Variants in PRKG1 observed in about 807,000 individuals in gnomAD.
PRKG1 encodes the protein protein kinase cGMP-dependent 1, also known as cGMP-dependent protein kinase 1.
PRKG1 carries 35 observed loss-of-function variants against 88.1 expected under a neutral mutation model. The observed-to-expected ratio is 0.40, with a 90% CI of 0.30 to 0.53. PRKG1 has a LOEUF of 0.53. Ranked by LOEUF, PRKG1 falls within the 20% of genes least tolerant of loss-of-function variation. The pLI is 0.59. For synonymous variants in PRKG1, 303 were observed against 292.5 expected (o/e 1.04, Z -0.37); for missense variants, 540 against 839.8 (o/e 0.64, Z 4.41).
intron 5 of PRKG1, among the ~76,000 whole-genome samples, chr10:51,947,463 GCACCCACTGTCTTC>G (rs1466487085): frequency 8.2e-6 from 1 of 122,378 alleles, no homozygotes; most frequent in African/African-American, 2.7e-5. Flanking sequence ...ATGGTGCGCT[GCACCCACTGTCTTC>G]CGCCCACTGT....
intron 2 of PRKG1, among the ~76,000 whole-genome samples, chr10:51,413,510 C>T (rs982361360): frequency 6.6e-6 from 1 of 152,076 alleles, no homozygotes; most frequent in African/African-American, 2.4e-5. Context: ...CAGGCACACA[C>T]CACCACGCCC....
At chr10:51,325,139 AT>A (rs1167930027) in intron 2 of PRKG1, among the ~76,000 whole-genome samples, 1 of 152,122 alleles carries the variant, frequency 6.6e-6, no homozygotes, top group African/African-American at 2.4e-5. Flanking sequence ...GATTTTGAGC[AT>A]TTTTTGAAAT....
intron 1 of PRKG1, among the ~76,000 whole-genome samples, chr10:51,133,967 C>T (rs1055933966): frequency 6.6e-6 from 1 of 152,130 alleles, no homozygotes; most frequent in Non-Finnish European, 1.5e-5. Context: ...AAAACTATGT[C>T]TTTTATCTCC....
chr10:51,113,487 T>C (rs1026991776), intron 1 of PRKG1, among the ~76,000 whole-genome samples: 1 of 152,164 alleles, frequency 6.6e-6, no homozygotes, highest in African/African-American at 2.4e-5. Flanking sequence ...TCCTTTATCT[T>C]ATGTTGTTCC....
chr10:51,487,014 G>A (rs1840565309), intron 3 of PRKG1, among the ~76,000 whole-genome samples: 1 of 151,918 alleles, frequency 6.6e-6, no homozygotes, highest in East Asian at 1.9e-4. Context: ...GATCTTGAGA[G>A]GGTATTAAAG....
At chr10:51,017,745 AC>A (rs1234249445) in intron 1 of PRKG1, among the ~76,000 whole-genome samples, 1 of 152,042 alleles carries the variant, frequency 6.6e-6, no homozygotes, top group African/African-American at 2.4e-5. Context: ...TTCAGGTAAA[AC>A]AAAAGAGTTG....
chr10:51,878,210 A>G (rs1002363939), intron 4 of PRKG1, among the ~76,000 whole-genome samples: 7 of 149,342 alleles, frequency 4.7e-5, no homozygotes, highest in Admixed American at 4.0e-4. Context: ...AAAGCAATAT[A>G]TATGTGTGTG....
intron 9 of PRKG1, among the ~76,000 whole-genome samples, chr10:52,244,781 A>AGT (rs1840968856): frequency 2.3e-5 from 1 of 43,992 alleles, no homozygotes; most frequent in Non-Finnish European, 7.5e-5. Context: ...TATATACCTT[A>AGT]ATATATATTT....
chr10:51,364,899 G>A (rs1006141683), intron 2 of PRKG1, among the ~76,000 whole-genome samples: 2 of 151,832 alleles, frequency 1.3e-5, no homozygotes, highest in African/African-American at 4.8e-5. Context: ...ATGCACAAGG[G>A]ATTCAAATAT....
chr10:51,248,693 G>A (rs1044623929), intron 2 of PRKG1, among the ~76,000 whole-genome samples: 3 of 151,660 alleles, frequency 2.0e-5, no homozygotes, highest in Non-Finnish European at 4.4e-5. Context: ...AACTGAAATA[G>A]TGCAATTTAA....
chr10:51,314,865 C>T (rs1445138269), intron 2 of PRKG1, among the ~76,000 whole-genome samples: 1 of 152,160 alleles, frequency 6.6e-6, no homozygotes, highest in African/African-American at 2.4e-5. Flanking sequence ...AGCTAGCAGG[C>T]CCTCATCAAG....
chr10:51,964,417 T>C (rs1843519483), intron 5 of PRKG1, among the ~76,000 whole-genome samples: 1 of 152,244 alleles, frequency 6.6e-6, no homozygotes, highest in Non-Finnish European at 1.5e-5. Flanking sequence ...CTTGCCCTTA[T>C]TGTGAATGTT....
At position 51,949,551 on chromosome 10, in the gene PRKG1, A is replaced by C. The variant is rs538413347; in HGVS notation, c.762+41981A>C. Among the ~76,000 whole-genome samples the C allele has an allele frequency of 4.6e-5, 7 of 152,254 alleles. No individual in the cohort carries two copies. In the Middle Eastern group the frequency reaches 0.024, roughly 521 times the overall value. On this transcript the variant is annotated intron_variant, in intron 5 of 17. Coordinates refer to ENST00000373980, the MANE Select transcript of PRKG1 (RefSeq NM_006258.4). ...AGAAGGAAATGATAAGAAAAGCAACAAATGCCTAGAACATGTGTACAGTGA... is the reference window on the plus strand; with the variant it reads ...AGAAGGAAATGATAAGAAAAGCAACCAATGCCTAGAACATGTGTACAGTGA...
chr10:52,134,075 C>T (rs1837338570), intron 8 of PRKG1, among the ~76,000 whole-genome samples, 170 bp downstream of exon 8: 2 of 152,146 alleles, frequency 1.3e-5, no homozygotes, highest in South Asian at 2.1e-4. Context: ...GTGGCTGGCT[C>T]TGCCATTCTA....
chr10:51,560,965 G>A (rs1169255487), intron 3 of PRKG1, among the ~76,000 whole-genome samples: 1 of 151,868 alleles, frequency 6.6e-6, no homozygotes, highest in Non-Finnish European at 1.5e-5. Flanking sequence ...TTTTGAACAG[G>A]GCTGGGCAAG....
intron 1 of PRKG1, among the ~76,000 whole-genome samples, chr10:51,147,525 T>G (rs947058606): frequency 1.3e-5 from 2 of 152,190 alleles, no homozygotes. Flanking sequence ...CCTTTCCACA[T>G]CATTGTTTTT....
intron 8 of PRKG1, among the ~76,000 whole-genome samples, chr10:52,140,950 C>T (rs1302640151): frequency 1.3e-5 from 2 of 152,152 alleles, no homozygotes; most frequent in African/African-American, 4.8e-5. Context: ...GGATGATACA[C>T]TTAAAATATT....
chr10:52,060,628 GA>G (rs577859826), intron 6 of PRKG1, among the ~76,000 whole-genome samples: 6 of 151,542 alleles, frequency 4.0e-5, no homozygotes, highest in African/African-American at 9.7e-5. Context: ...TACCTTTCTG[GA>G]AAAAAATCAG....
At chr10:51,437,765 C>T (rs1336446805) in intron 2 of PRKG1, among the ~76,000 whole-genome samples, 1 of 150,818 alleles carries the variant, frequency 6.6e-6, no homozygotes, top group Non-Finnish European at 1.5e-5. Flanking sequence ...ACAGAGGTGA[C>T]CTGCCTCTTC....
Sources: gnomAD v4.1 joint callset for allele counts (sites outside exome capture counted in the v4.1 genomes callset) on GRCh38, gnomAD v4.1.1 for gene constraint, MANE v1.5 for transcripts, NCBI Gene and HGNC (gene_info 2026-07-23, HGNC 2026-07-21) for gene names.